The following UTRN variants were observed in gnomAD, a reference collection of about 807,000 sequenced individuals.
UTRN encodes the protein dystrophin-related protein 1.
A neutral mutation model predicts 463.9 loss-of-function variants in UTRN; 283 were observed. The observed-to-expected ratio is 0.61, with a 90% confidence interval of 0.55 to 0.67. UTRN has a LOEUF of 0.67. Among genes scored for constraint, UTRN ranks in the 30% least tolerant of loss-of-function variants. The probability of loss-of-function intolerance (pLI) is 0.00; values close to 1 mark genes in which losing one functional copy is unlikely to be tolerated. For synonymous variants in UTRN, 1,442 were observed against 1,431.5 expected (o/e 1.01, Z -0.17); for missense variants, 3,922 against 4,084.3 (o/e 0.96, Z 1.08).
intron 34 of UTRN, among the ~76,000 whole-genome samples, chr6:144,508,149 G>C (rs559689214): frequency 1.3e-5 from 2 of 152,292 alleles, no homozygotes; most frequent in South Asian, 2.1e-4. Flanking sequence ...AGAATTTCCA[G>C]CCGTTGGATC....
At chr6:144,726,257 T>C (rs1195616231) in intron 53 of UTRN, among the ~76,000 whole-genome samples, 4 of 152,196 alleles carry the variant, frequency 2.6e-5, no homozygotes, top group Non-Finnish European at 5.9e-5. Flanking sequence ...GTGGTCTTTG[T>C]GGCCTGACCT....
In UTRN at chr6:144,731,684, A is replaced by G. The variant is rs145173322; in HGVS notation, c.7939+1198A>G. On this transcript the variant is annotated intron_variant, in intron 54 of 74. Coordinates refer to ENST00000367545, the MANE Select transcript of UTRN (RefSeq NM_007124.3). Reference sequence around the variant, plus strand: ...ACTAGTTGTATATATGTGTGTGTGTATATACACACATGTACACACACACAC... The same window carrying G: ...ACTAGTTGTATATATGTGTGTGTGTGTATACACACATGTACACACACACAC... Among the ~76,000 whole-genome samples the G allele has an allele frequency of 1.6e-3, 238 of 152,210 alleles. 2 individuals carry two copies. In the East Asian group the frequency reaches 0.038, roughly 24 times the overall value.
At position 144,757,985 on chromosome 6, in the gene UTRN, A is replaced by G; in HGVS notation, c.8491A>G (p.Ile2831Val). The change falls in exon 58 of 75, where the codon ATC becomes GTC. Residue 2831 changes from isoleucine (I) to valine (V), a missense_variant. Transcript: ENST00000367545. ...TTCACATAATAAAGTGCCCTATTAC[A>G]TCAAGTAAGTTGATTTTAATTCTCC... The part of the protein sequence containing the change: ...SISHNKVPYY[I>V]NHQTQTTCWD... 6.2e-7 allele frequency: 1 copy of G among 1,609,330 alleles called. No individual in the cohort carries two copies. The highest frequency in any genetic ancestry group is 8.5e-7 in the Non-Finnish European group (1 of 1,177,178).
chr6:144,386,969 T>G (rs538476208), intron 2 of UTRN, among the ~76,000 whole-genome samples: 5 of 152,296 alleles, frequency 3.3e-5, no homozygotes, highest in African/African-American at 9.6e-5. Flanking sequence ...TAGTTGGCAT[T>G]TCATCAAAGT....
chr6:144,414,444 G>T (rs1402086418), intron 3 of UTRN, among the ~76,000 whole-genome samples: 1 of 152,166 alleles, frequency 6.6e-6, no homozygotes, highest in Non-Finnish European at 1.5e-5. Context: ...TTGCACAGAT[G>T]TGTGATGTGT....
chr6:144,618,851 CA>C (rs1775053298), intron 51 of UTRN, among the ~76,000 whole-genome samples: 1 of 152,004 alleles, frequency 6.6e-6, no homozygotes, highest in African/African-American at 2.4e-5. Context: ...TAGAACACAC[CA>C]AATATGTTTT....
chr6:144,365,382 G>A (rs949996717), intron 2 of UTRN, among the ~76,000 whole-genome samples: 1 of 152,230 alleles, frequency 6.6e-6, no homozygotes, highest in Non-Finnish European at 1.5e-5. Context: ...TTTAGGGCCA[G>A]CCTAGGATTG....
At chr6:144,373,705 A>G (rs1215160458) in intron 2 of UTRN, among the ~76,000 whole-genome samples, 3 of 152,224 alleles carry the variant, frequency 2.0e-5, no homozygotes, top group Non-Finnish European at 4.4e-5. Context: ...AAATAGGATA[A>G]TAGCTGGGAG....
intron 2 of UTRN, among the ~76,000 whole-genome samples, chr6:144,392,608 G>T (rs938042823): frequency 6.6e-6 from 1 of 152,076 alleles, no homozygotes; most frequent in Non-Finnish European, 1.5e-5. Context: ...CCTTTGTAGT[G>T]GTCCACTCTG....
At position 144,820,808 on chromosome 6, in the gene UTRN, G is replaced by A. The variant is rs17074279; in HGVS notation, c.9358-74G>A. ...ACATTTAATTGCATCAATTTACATC[G>A]GCTCTGATTTTGTTATAGATAGTTA... On this transcript the variant is annotated intron_variant, in intron 65 of 74. Coordinates refer to ENST00000367545, the MANE Select transcript of UTRN (RefSeq NM_007124.3). The A allele has an allele frequency of 0.047, 70,109 of 1,501,994 alleles. 1,819 individuals carry two copies. The highest frequency in any genetic ancestry group is 0.077 in the South Asian group (5,699 of 74,358). 93.0% of individuals were successfully genotyped at this position (1,501,994 alleles called of 1,614,324 possible). A position where few individuals can be genotyped will look rare whatever the true frequency, so the allele number is the denominator to read the frequency against.
chr6:144,724,682 C>A (rs753651148), intron 53 of UTRN, among the ~76,000 whole-genome samples: 1 of 152,014 alleles, frequency 6.6e-6, no homozygotes, highest in Non-Finnish European at 1.5e-5. Context: ...GTAATGGAAT[C>A]TTACACTATG....
intron 69 of UTRN, among the ~76,000 whole-genome samples, chr6:144,832,510 T>C (rs908238042): frequency 2.6e-5 from 4 of 152,164 alleles, no homozygotes; most frequent in Admixed American, 6.5e-5. Flanking sequence ...TCCAAATCTT[T>C]AAAACAAAAA....
At chr6:144,302,425 C>T (rs111719438) in intron 2 of UTRN, among the ~76,000 whole-genome samples, 8,622 of 150,532 alleles carry the variant, frequency 0.057, 401 homozygotes, top group Non-Finnish European at 0.085. Flanking sequence ...GCAGGAGAAT[C>T]GCTTGAACTG....
chr6:144,433,254 A>G (rs1410456803), intron 9 of UTRN, among the ~76,000 whole-genome samples: 4 of 139,502 alleles, frequency 2.9e-5, no homozygotes, highest in Non-Finnish European at 1.6e-5. Flanking sequence ...ACTTCCCAGT[A>G]GGGGCGGCCA....
intron 64 of UTRN, among the ~76,000 whole-genome samples, chr6:144,800,295 G>A (rs913488353): frequency 6.6e-6 from 1 of 152,188 alleles, no homozygotes; most frequent in African/African-American, 2.4e-5. Context: ...GGACATGGAT[G>A]TTTATTATAT....
rs758989442 is a variant in UTRN, at chr6:144,514,712, T to C, written c.5136T>C (p.Leu1712=). ...LQVENVRDQA[L]ILMNARGSSS... is the part of the protein sequence containing the mutation. ...TTGAAAATGTCCGCGATCAAGCCCT[T>C]ATTTTGATGAATGCCCGTGGAAGCT... The change falls in exon 37 of 75, where the codon CTT becomes CTC. Residue 1712 remains leucine (L), a synonymous_variant. Transcript: ENST00000367545. The C allele has an allele frequency of 3.7e-6, 6 of 1,614,064 alleles. No individual in the cohort carries two copies. Among genetic ancestry groups the C allele is most frequent in the South Asian group, 3.3e-5 (3 of 91,094 alleles).
intron 44 of UTRN, among the ~76,000 whole-genome samples, chr6:144,538,449 C>G (rs1003217673): frequency 6.6e-6 from 1 of 151,574 alleles, no homozygotes; most frequent in Non-Finnish European, 1.5e-5. Flanking sequence ...GCGGGTGGAT[C>G]ACAAGGTCAT....
intron 51 of UTRN, 55 bp from the exon 52 acceptor site, chr6:144,678,351 T>C: frequency 1.3e-6 from 2 of 1,516,280 alleles, no homozygotes; most frequent in Non-Finnish European, 1.8e-6. Flanking sequence ...TCTGTGAATA[T>C]AAAGATATAC....
intron 51 of UTRN, among the ~76,000 whole-genome samples, chr6:144,586,929 T>C (rs1002096761): frequency 6.6e-6 from 1 of 152,190 alleles, no homozygotes; most frequent in Non-Finnish European, 1.5e-5. Flanking sequence ...GTGGTTTTAG[T>C]CACCCCCCAA....
Sources: allele counts gnomAD v4.1 joint callset (sites outside exome capture counted in the v4.1 genomes callset), GRCh38; gene constraint gnomAD v4.1.1; transcripts MANE v1.5; gene names NCBI Gene and HGNC (gene_info 2026-07-23, HGNC 2026-07-21).